The following HAUS6 variants were observed in gnomAD, a reference collection of about 807,000 sequenced individuals.
HAUS6 encodes HAUS augmin-like complex subunit 6.
In HAUS6, 80 loss-of-function variants were observed where a neutral mutation model predicts 106.8. That is an observed-to-expected ratio of 0.75 (90% CI 0.63 to 0.90). The LOEUF is 0.90. Ranked by LOEUF, HAUS6 falls within the 40% of genes least tolerant of loss-of-function variation. The pLI, the probability that HAUS6 is intolerant of heterozygous loss-of-function variation, is 0.00. For missense variants in HAUS6, 1,155 were observed against 1,118.1 expected (o/e 1.03, Z -0.47); for synonymous variants, 356 against 379.1 (o/e 0.94, Z 0.71).
intron 1 of HAUS6, among the ~76,000 whole-genome samples, chr9:19,100,728 T>C (rs1253663518): frequency 6.6e-6 from 1 of 152,216 alleles, no homozygotes; most frequent in East Asian, 1.9e-4. Flanking sequence ...AATTGTGGTA[T>C]ATATACACAA....
chr9:19,072,437 C>T (rs1042774388), intron 11 of HAUS6, among the ~76,000 whole-genome samples: 2 of 151,516 alleles, frequency 1.3e-5, no homozygotes, highest in Admixed American at 6.6e-5. Context: ...TGCTTGAACC[C>T]GGGAGGCAGA....
chr9:19,071,258 G>A (rs1026063090), intron 11 of HAUS6, among the ~76,000 whole-genome samples: 8 of 152,098 alleles, frequency 5.3e-5, no homozygotes, highest in Non-Finnish European at 1.0e-4. Flanking sequence ...ATAAATCAGT[G>A]AGTTATAGGA....
intron 11 of HAUS6, among the ~76,000 whole-genome samples, chr9:19,071,004 G>C (rs903964503): frequency 6.6e-6 from 1 of 152,168 alleles, no homozygotes; most frequent in South Asian, 2.1e-4. Flanking sequence ...GGTAGAGAAA[G>C]CCATGACTGG....
rs145804356 is a variant in HAUS6 at position 19,102,648 on chromosome 9, T to C, written c.4A>G (p.Ser2Gly). Residue 2 changes from serine (S) to glycine (G), a missense_variant, in exon 1 of 17, where the codon AGC (serine) becomes GGC (glycine). Physicochemically the swap from Ser to Gly is moderately conservative, Grantham distance 56. This residue lies in a region of HAUS6 where 761 missense variants were observed against 690.0 expected (regional missense o/e 1.10). Transcript: ENST00000380502. M[S>G]SASVTAFEKE... ...TCGAAAGCGGTGACCGAGGCCGAGC[T>C]CATCCTCGCGGTAGGCACGGTGGCT... 6.1e-4 allele frequency: 980 copies of C among 1,611,406 alleles called. 6 individuals are homozygous for C. In the African/African-American group the frequency reaches 0.011, roughly 19 times the overall value.
At chr9:19,097,264 C>T (rs1321387310) in intron 1 of HAUS6, among the ~76,000 whole-genome samples, 1 of 152,144 alleles carries the variant, frequency 6.6e-6, no homozygotes, top group African/African-American at 2.4e-5. Context: ...TCTAATTAAA[C>T]TAAACAGCTT....
chr9:19,064,653 A>C (rs914993816), intron 12 of HAUS6, among the ~76,000 whole-genome samples: 3 of 152,232 alleles, frequency 2.0e-5, no homozygotes, highest in African/African-American at 7.2e-5. Context: ...CTTTCTTCTT[A>C]TAACTAGAAG....
rs1837190897 is a variant in HAUS6 at position 19,082,881 on chromosome 9, T to C, written c.862A>G (p.Met288Val). The C allele has an allele frequency of 6.8e-7, 1 of 1,466,286 alleles. No individual in the cohort carries two copies. The highest frequency in any genetic ancestry group is 1.5e-5 in the African/African-American group (1 of 68,916). The allele number at this position is 1,466,286 out of a possible 1,614,324, so 90.8% of individuals were successfully genotyped here. The change falls in exon 8 of 17, where the codon ATG (methionine) becomes GTG (valine). Residue 288 changes from methionine (M) to valine (V), a missense_variant. Physicochemically the swap from Met to Val is conservative, Grantham distance 21. Around this residue, in one of 3 missense-constraint regions of HAUS6, gnomAD observed 761 missense variants for 690.0 expected, o/e 1.10. Transcript: ENST00000380502. ...TAATATCAAATGCTTACCTGAAACATTTGTTTCTCAATTTTGTCAAGTAAG... is the reference window on the plus strand; with the variant it reads ...TAATATCAAATGCTTACCTGAAACACTTGTTTCTCAATTTTGTCAAGTAAG... ...RLLLDKIEKQ[M>V]FQLHIGNVYE... is the part of the protein sequence containing the mutation.
At chr9:19,071,988 A>C (rs987608201) in intron 11 of HAUS6, among the ~76,000 whole-genome samples, 1 of 149,670 alleles carries the variant, frequency 6.7e-6, no homozygotes, top group Non-Finnish European at 1.5e-5. Context: ...CGGATCACCT[A>C]AGGTCAGGAG....
intron 12 of HAUS6, chr9:19,065,227 T>C (rs1836735288): frequency 6.6e-6 from 1 of 152,226 alleles, no homozygotes; most frequent in Non-Finnish European, 1.5e-5. Flanking sequence ...CATCATAATC[T>C]AAGACAAGTT....
rs993375558 is a variant in HAUS6, at chr9:19,098,095, T to C, written c.129-1326A>G. 3.9e-5 allele frequency among the ~76,000 whole-genome samples: 6 copies of C among 152,230 alleles called. No individual in the cohort carries two copies. The South Asian group carries it at 6.2e-4, about 16-fold the overall frequency. On this transcript the variant is annotated intron_variant, in intron 1 of 16. Transcript: ENST00000380502. ...CTTGTTCTCTTCTCTTTGACACTTATTGTAATTTGTAATAAGATATTTGTT... is the reference window on the plus strand; with the variant it reads ...CTTGTTCTCTTCTCTTTGACACTTACTGTAATTTGTAATAAGATATTTGTT...
chr9:19,070,623 G>C (rs1321442903), intron 11 of HAUS6, among the ~76,000 whole-genome samples: 1 of 152,146 alleles, frequency 6.6e-6, no homozygotes, highest in Non-Finnish European at 1.5e-5. Context: ...AGCCAGCAAG[G>C]CCAAAAAGTT....
intron 14 of HAUS6, 64 bp from the exon 15 acceptor site, chr9:19,060,287 C>G (rs1223644508): frequency 3.9e-6 from 5 of 1,295,650 alleles, no homozygotes; most frequent in Non-Finnish European, 5.2e-6. Flanking sequence ...GCAACAAAAC[C>G]CCTGATAAGG....
chr9:19,095,322 C>T (rs1205478927), intron 2 of HAUS6, among the ~76,000 whole-genome samples: 1 of 152,068 alleles, frequency 6.6e-6, no homozygotes, highest in Admixed American at 6.6e-5. Flanking sequence ...TTTAAGGCCT[C>T]ATACCTTTTC....
At chr9:19,094,437 T>C (rs369315446) in intron 2 of HAUS6, 42 bp from the exon 3 acceptor site, 38 of 1,098,656 alleles carry the variant, frequency 3.5e-5, no homozygotes, top group African/African-American at 2.1e-4. Context: ...TGCACAACAA[T>C]AGCCAAAAAA....
chr9:19,059,135 T>A, intron 15 of HAUS6, 134 bp from the exon 16 acceptor site: 1 of 608,702 alleles, frequency 1.6e-6, no homozygotes, highest in South Asian at 2.1e-5. Context: ...GGTTGGATGA[T>A]AAGCCTCCAC....
intron 7 of HAUS6, among the ~76,000 whole-genome samples, chr9:19,083,975 GCA>G (rs1239380588): frequency 2.7e-5 from 4 of 148,314 alleles, no homozygotes; most frequent in African/African-American, 1.0e-4. Flanking sequence ...ATTTAGGCAC[GCA>G]CAGTGGCGCA....
rs763867424 is a variant in HAUS6, at chr9:19,063,144, T to C, written c.1493A>G (p.Lys498Arg). The C allele has an allele frequency of 1.2e-6, 2 of 1,605,894 alleles. No homozygotes were observed. The highest frequency in any genetic ancestry group is 2.2e-5 in the South Asian group (2 of 90,088). The change falls in exon 14 of 17, where the codon AAA becomes AGA. Residue 498 changes from lysine to arginine, a missense_variant. This residue lies in a region of HAUS6 where 761 missense variants were observed against 690.0 expected (regional missense o/e 1.10). Transcript: ENST00000380502. The part of the protein sequence containing the change: ...PKEKNEAISK[K>R]IPEFEVENSP... ...ATTTTCCACTTCAAATTCTGGTATT[T>C]TCTTAGAAATTGCTTCATTTTTTTC...
intron 12 of HAUS6, among the ~76,000 whole-genome samples, chr9:19,063,970 A>ATT (rs34187338): frequency 0.023 from 3,068 of 135,794 alleles, 130 homozygotes; most frequent in African/African-American, 0.086. Flanking sequence ...CCTTTATTTT[A>ATT]TTTTTTTTTT....
In HAUS6 at chr9:19,096,688, G is replaced by C; in HGVS notation, c.210C>G (p.Thr70=). The C allele has an allele frequency of 6.9e-7, 1 of 1,455,952 alleles. No homozygotes were observed. The highest frequency in any genetic ancestry group is 2.4e-5 in the East Asian group (1 of 42,074). The allele number at this position is 1,455,952 out of a possible 1,614,324, so 90.2% of individuals were successfully genotyped here. A position where few individuals can be genotyped will look rare whatever the true frequency, so the allele number is the denominator to read the frequency against. ...TTTTTCCTTACTTGAAAACTTCTTT[G>C]GTGAGAGACTGGTCCAGAACTTGAA... ...FLFQVLDQSL[T]KEVFKFCWPP... is the part of the protein sequence containing the mutation. The change falls in exon 2 of 17, where the codon ACC becomes ACG. Residue 70 remains threonine, a synonymous_variant. Coordinates refer to ENST00000380502, the MANE Select transcript of HAUS6 (RefSeq NM_017645.5).
Sources: allele counts gnomAD v4.1 joint callset (sites outside exome capture counted in the v4.1 genomes callset), GRCh38; gene constraint gnomAD v4.1.1; regional missense constraint gnomAD v4.1.1; transcripts MANE v1.5; gene names NCBI Gene and HGNC (gene_info 2026-07-23, HGNC 2026-07-21).